PXK: variants seen among roughly 807,000 people sequenced by gnomAD.
PXK encodes the protein PX domain-containing protein kinase-like protein.
A neutral mutation model predicts 84.7 loss-of-function variants in PXK; 35 were observed. The observed-to-expected ratio is 0.41, with a 90% CI of 0.32 to 0.55. The LOEUF is 0.55. Ranked by LOEUF, PXK falls within the 20% of genes least tolerant of loss-of-function variation. The pLI, the probability that PXK is intolerant of heterozygous loss-of-function variation, is 0.21. For missense variants in PXK, 634 were observed against 699.7 expected (o/e 0.91, Z 1.06); for synonymous variants, 253 against 260.8 (o/e 0.97, Z 0.29).
intron 1 of PXK, among the ~76,000 whole-genome samples, chr3:58,348,065 G>T (rs2107932213): frequency 1.3e-5 from 2 of 152,204 alleles, no homozygotes; most frequent in Middle Eastern, 6.8e-3. Context: ...GTGAGACCGT[G>T]CCCGGCTAAT....
At chr3:58,360,233 C>T (rs1182041672) in intron 1 of PXK, among the ~76,000 whole-genome samples, 1 of 152,088 alleles carries the variant, frequency 6.6e-6, no homozygotes, top group Non-Finnish European at 1.5e-5. Flanking sequence ...AATAATTGAG[C>T]GGATATTGTT....
At chr3:58,353,990 A>G (rs2098005343) in intron 1 of PXK, among the ~76,000 whole-genome samples, 1 of 152,196 alleles carries the variant, frequency 6.6e-6, no homozygotes, top group Admixed American at 6.5e-5. Context: ...TGTTTTCAGC[A>G]TTCTTTTCAG....
intron 1 of PXK, among the ~76,000 whole-genome samples, chr3:58,353,324 T>G (rs2097981607): frequency 6.6e-6 from 1 of 152,174 alleles, no homozygotes; most frequent in African/African-American, 2.4e-5. Context: ...TAAACAAAAT[T>G]TATTTCATGT....
chr3:58,378,389 C>T (rs1391173601), intron 3 of PXK, among the ~76,000 whole-genome samples: 1 of 151,966 alleles, frequency 6.6e-6, no homozygotes, highest in East Asian at 1.9e-4. Flanking sequence ...TGGTGCCCCA[C>T]TCTTGAATAT....
In PXK at chr3:58,382,632, A is replaced by G. The variant is rs1223217426; in HGVS notation, c.320A>G (p.His107Arg). 1 of 1,600,514 alleles carries G rather than the reference A, an allele frequency of 6.2e-7. No individual in the cohort carries two copies. The highest frequency in any genetic ancestry group is 8.5e-7 in the Non-Finnish European group (1 of 1,175,882). ...QNYLNVITTN[H>R]ILSNCELVKK... ...TATCTCAACGTGATCACAACAAATC[A>G]TATCTTGTCTAATTGTGAGCTGGTT... Residue 107 changes from histidine (H) to arginine (R), a missense_variant, in exon 4 of 18, where the codon CAT becomes CGT. Coordinates refer to ENST00000356151, the MANE Select transcript of PXK (RefSeq NM_017771.5).
chr3:58,333,599 G>A lies in PXK; in HGVS notation c.102+509G>A, dbSNP rs1010963681. On this transcript the variant is annotated intron_variant, in intron 1 of 17. Coordinates refer to ENST00000356151, the MANE Select transcript of PXK (RefSeq NM_017771.5). This position sits in a 1 kb window ranked among gnomAD's most constrained non-coding sequence, Gnocchi z 5.4. ...TTGTTGGGACAGCAGAGTGTAAGTG[G>A]CTGGGGTCTGCAGCCCCGTTTCCAG... 4 of 456,604 alleles carry A rather than the reference G, an allele frequency of 8.8e-6. No individual in the cohort carries two copies. Among genetic ancestry groups the A allele is most frequent in the African/African-American group, 6.0e-5 (3 of 50,080 alleles). 28.3% of individuals were successfully genotyped at this position (456,604 alleles called of 1,614,324 possible).
chr3:58,341,993 C>T (rs1344475014), intron 1 of PXK, among the ~76,000 whole-genome samples: 2 of 152,098 alleles, frequency 1.3e-5, no homozygotes. Flanking sequence ...CGTGAGCCAA[C>T]GCGCCTGGCC....
In PXK at chr3:58,370,689, T is replaced by C. The variant is rs2098354888; in HGVS notation, c.201+1211T>C. ...TTTCCTTCAGAAGGCCACGTTTTGT[T>C]GGTCAGACTTCAGAAAATAAGCATT... On this transcript the variant is annotated intron_variant, in intron 3 of 17. Transcript: ENST00000356151. The surrounding 1 kb of genome is among the most constrained non-coding windows in gnomAD (Gnocchi z 4.2). 6.6e-6 allele frequency among the ~76,000 whole-genome samples: 1 copy of C among 152,096 alleles called. No individual in the cohort carries two copies. Among genetic ancestry groups the C allele is most frequent in the Admixed American group, 6.6e-5 (1 of 15,260 alleles).
chr3:58,412,871 C>T lies in PXK; in HGVS notation c.1466-30C>T. The T allele has an allele frequency of 6.2e-7, 1 of 1,612,866 alleles. No homozygotes were observed. The highest frequency in any genetic ancestry group is 8.5e-7 in the Non-Finnish European group (1 of 1,178,870). On this transcript the variant is annotated intron_variant, in intron 16 of 17. Coordinates refer to ENST00000356151, the MANE Select transcript of PXK (RefSeq NM_017771.5). The surrounding 1 kb of genome is among the most constrained non-coding windows in gnomAD (Gnocchi z 6.2). Reference sequence around the variant, plus strand: ...AATTCCAAATGTCTTTCGTTGGTCCCCATGAGGGTTTCTCTGTGTTTTATC... The same window carrying T: ...AATTCCAAATGTCTTTCGTTGGTCCTCATGAGGGTTTCTCTGTGTTTTATC...
At chr3:58,403,027 T>C (rs1366178910) in intron 12 of PXK, among the ~76,000 whole-genome samples, 1 of 149,938 alleles carries the variant, frequency 6.7e-6, no homozygotes, top group African/African-American at 2.5e-5. Flanking sequence ...TTTTTTAAGA[T>C]GGAGTCTTGC....
At position 58,383,364 on chromosome 3, in the gene PXK, A is replaced by G. The variant is rs751627098; in HGVS notation, c.388+664A>G. On this transcript the variant is annotated intron_variant, in intron 4 of 17. Transcript: ENST00000356151. The surrounding 1 kb of genome is among the most constrained non-coding windows in gnomAD (Gnocchi z 4.0). Reference sequence around the variant, plus strand: ...ATTTTTATATTACTTTTGACCTCTAATCAACACCTTATACATACAATAATC... The same window carrying G: ...ATTTTTATATTACTTTTGACCTCTAGTCAACACCTTATACATACAATAATC... 3.9e-5 allele frequency among the ~76,000 whole-genome samples: 6 copies of G among 152,174 alleles called. No homozygotes were observed. Among genetic ancestry groups the G allele is most frequent in the Non-Finnish European group, 7.3e-5 (5 of 68,032 alleles).
chr3:58,402,913 C>T (rs2058816178), intron 12 of PXK, among the ~76,000 whole-genome samples: 1 of 152,038 alleles, frequency 6.6e-6, no homozygotes, highest in Admixed American at 6.5e-5. Flanking sequence ...AGCTATTAAG[C>T]CCAGTACGCA....
At chr3:58,375,937 A>T (rs539849496) in intron 3 of PXK, among the ~76,000 whole-genome samples, 4 of 143,830 alleles carry the variant, frequency 2.8e-5, no homozygotes, top group African/African-American at 9.6e-5. Context: ...AAGTGCAAAA[A>T]TACACCAAGT....
chr3:58,390,764 A>G lies in PXK; in HGVS notation c.466+105A>G. 9.1e-7 allele frequency: 1 copy of G among 1,097,724 alleles called. No homozygotes were observed. The highest frequency in any genetic ancestry group is 1.3e-6 in the Non-Finnish European group (1 of 768,992). 68.0% of individuals were successfully genotyped at this position (1,097,724 alleles called of 1,614,324 possible). A position where few individuals can be genotyped will look rare whatever the true frequency, so the allele number is the denominator to read the frequency against. ...CCAGGAACATGCTTAAATGCAGGTG[A>G]CTTCTTTTTCTTTTTGCATATCAAC... On this transcript the variant is annotated intron_variant, in intron 5 of 17. Transcript: ENST00000356151. This position sits in a 1 kb window ranked among gnomAD's most constrained non-coding sequence, Gnocchi z 4.2.
intron 12 of PXK, among the ~76,000 whole-genome samples, chr3:58,403,646 C>T (rs2058947329): frequency 6.6e-6 from 1 of 152,178 alleles, no homozygotes; most frequent in South Asian, 2.1e-4. Flanking sequence ...GGCCCAGATA[C>T]CCTAGTAACA....
rs1386738338 is a variant in PXK, at chr3:58,403,869, A to G, written c.1189A>G (p.Ser397Gly). Residue 397 changes from serine (S) to glycine (G), a missense_variant, in exon 13 of 18, where the codon AGC becomes GGC. By Grantham distance (56) the Ser-to-Gly change is moderately conservative. Around this residue, in one of 3 missense-constraint regions of PXK, gnomAD observed 273 missense variants for 283.6 expected, o/e 0.96. Coordinates refer to ENST00000356151, the MANE Select transcript of PXK (RefSeq NM_017771.5). The part of the protein sequence containing the change: ...ISRLLQMPLF[S>G]DVLLTTSEKP... Reference sequence around the variant, plus strand: ...TGTTTCTTTTCTTTACAGATTATTCAGCGATGTTTTACTAACCACTTCTGA... The same window carrying G: ...TGTTTCTTTTCTTTACAGATTATTCGGCGATGTTTTACTAACCACTTCTGA... 1 of 1,547,862 alleles carries G rather than the reference A, an allele frequency of 6.5e-7. No individual in the cohort carries two copies. The highest frequency in any genetic ancestry group is 8.8e-7 in the Non-Finnish European group (1 of 1,137,602).
rs1467630117 is a variant in PXK at position 58,370,245 on chromosome 3, C to T, written c.201+767C>T. 2.0e-5 allele frequency among the ~76,000 whole-genome samples: 3 copies of T among 152,072 alleles called. No individual in the cohort carries two copies. Among genetic ancestry groups the T allele is most frequent in the African/African-American group, 7.2e-5 (3 of 41,384 alleles). ...TATCCTAAATATGTAGTTAGAAATC[C>T]CTTTGTTTTAAATGTTCCTAACTTG... On this transcript the variant is annotated intron_variant, in intron 3 of 17. Coordinates refer to ENST00000356151, the MANE Select transcript of PXK (RefSeq NM_017771.5). This position sits in a 1 kb window ranked among gnomAD's most constrained non-coding sequence, Gnocchi z 4.2.
intron 1 of PXK, among the ~76,000 whole-genome samples, chr3:58,342,687 G>A (rs545964574): frequency 2.5e-4 from 37 of 150,104 alleles, no homozygotes; most frequent in African/African-American, 8.1e-4. Context: ...TTTTAAAACT[G>A]TAAACTTGGA....
intron 1 of PXK, among the ~76,000 whole-genome samples, chr3:58,335,968 C>T (rs559206776): frequency 7.8e-4 from 112 of 142,880 alleles, no homozygotes; most frequent in Non-Finnish European, 1.3e-3. Context: ...CATTAGAGGG[C>T]GTTATTGCAA....
Sources: gnomAD v4.1 joint callset for allele counts (sites outside exome capture counted in the v4.1 genomes callset) on GRCh38, gnomAD v4.1.1 for gene constraint, gnomAD v4.1.1 regional missense constraint, Gnocchi (gnomAD v3.1) non-coding constraint, MANE v1.5 for transcripts, NCBI Gene and HGNC (gene_info 2026-07-23, HGNC 2026-07-21) for gene names.